Variants in DENND1A observed in about 807,000 individuals in gnomAD.
DENND1A encodes DENN domain containing 1A, also known as DENN domain-containing protein 1A.
In DENND1A, 51 loss-of-function variants were observed where a neutral mutation model predicts 113.7. The ratio of observed to expected loss-of-function variants is 0.45; its 90% CI spans 0.36 to 0.57. The LOEUF (loss-of-function observed/expected upper bound fraction) is 0.57, where lower values mean the gene tolerates loss of function less well. Ranked by LOEUF, DENND1A falls within the 20% of genes least tolerant of loss-of-function variation. The pLI, the probability that DENND1A is intolerant of heterozygous loss-of-function variation, is 0.00. For synonymous variants in DENND1A, 565 were observed against 570.8 expected (o/e 0.99, Z 0.14); for missense variants, 1,258 against 1,395.9 (o/e 0.90, Z 1.57).
At chr9:123,633,174 T>C (rs2061555602) in intron 9 of DENND1A, among the ~76,000 whole-genome samples, 1 of 152,008 alleles carries the variant, frequency 6.6e-6, no homozygotes, top group Non-Finnish European at 1.5e-5. Flanking sequence ...TCCCAAAGTC[T>C]TGGGATTACA....
chr9:123,555,938 G>A lies in DENND1A; in HGVS notation c.993+1632C>T, dbSNP rs146419611. On this transcript the variant is annotated intron_variant, in intron 13 of 23. Transcript: ENST00000394215. ...AGTCTGTCCATTCCCAGCAACCCAA[G>A]CAAAGGATTGGGCCAGTTGTCCTAT... is the stretch of plus-strand genomic sequence containing the variant. Among the ~76,000 whole-genome samples the A allele has an allele frequency of 4.4e-3, 677 of 152,286 alleles. 1 individual carries two copies. Among genetic ancestry groups the A allele is most frequent in the Non-Finnish European group, 6.1e-3 (413 of 68,018 alleles).
chr9:123,684,036 T>C (rs1170656276), intron 5 of DENND1A, among the ~76,000 whole-genome samples: 2 of 152,176 alleles, frequency 1.3e-5, no homozygotes, highest in Non-Finnish European at 2.9e-5. Context: ...AGCAAGTGAT[T>C]ATTCAAAGTA....
intron 13 of DENND1A, among the ~76,000 whole-genome samples, chr9:123,497,827 A>AAG (rs908180292): frequency 7.2e-5 from 11 of 152,086 alleles, no homozygotes; most frequent in Admixed American, 5.9e-4. Flanking sequence ...AAAAAAAAAA[A>AAG]AAAAGAAAAA....
chr9:123,391,938 A>T (rs984793220), intron 21 of DENND1A, among the ~76,000 whole-genome samples: 2 of 152,116 alleles, frequency 1.3e-5, no homozygotes, highest in Non-Finnish European at 2.9e-5. Flanking sequence ...GGTGCAGAAG[A>T]AAGGCTGGCC....
At chr9:123,611,066 T>G (rs1388214822) in intron 10 of DENND1A, among the ~76,000 whole-genome samples, 1 of 152,254 alleles carries the variant, frequency 6.6e-6, no homozygotes, top group African/African-American at 2.4e-5. Context: ...AAAACAGACT[T>G]GAATATTAGC....
intron 12 of DENND1A, among the ~76,000 whole-genome samples, chr9:123,563,045 G>A (rs938793731): frequency 3.9e-5 from 6 of 152,184 alleles, no homozygotes; most frequent in African/African-American, 1.4e-4. Flanking sequence ...ACATTCTTTA[G>A]TGACGGATCA....
chr9:123,903,331 CAAAAAAAAAA>C lies in DENND1A; in HGVS notation c.18-24320_18-24311del, dbSNP rs869154918. Reference sequence around the variant, plus strand: ...TGGGCGACAGAGCGAGACTCCGTCTCAAAAAAAAAAAAAAAAAAAAAAAAAAACTGGAAAA... The same window carrying C: ...TGGGCGACAGAGCGAGACTCCGTCTCAAAAAAAAAAAAAAAAACTGGAAAA... On this transcript the variant is annotated intron_variant, in intron 1 of 23. Transcript: ENST00000394215. Among the ~76,000 whole-genome samples, 206 of 27,016 alleles carry C rather than the reference CAAAAAAAAAA, an allele frequency of 7.6e-3. 3 individuals carry two copies. The highest frequency in any genetic ancestry group is 0.023 in the African/African-American group (195 of 8,610). The allele number at this position is 27,016 out of a possible 152,430, so 17.7% of individuals were successfully genotyped here. A position where few individuals can be genotyped will look rare whatever the true frequency, so the allele number is the denominator to read the frequency against.
chr9:123,842,283 G>C (rs1424669265), intron 2 of DENND1A, among the ~76,000 whole-genome samples: 1 of 152,132 alleles, frequency 6.6e-6, no homozygotes, highest in Non-Finnish European at 1.5e-5. Flanking sequence ...CAAGAGAAAA[G>C]ACATTTCAGA....
At chr9:123,485,011 G>A (rs1313116133) in intron 13 of DENND1A, among the ~76,000 whole-genome samples, 1 of 152,180 alleles carries the variant, frequency 6.6e-6, no homozygotes, top group African/African-American at 2.4e-5. Context: ...GTAGGGAAGT[G>A]GTGAGTGGTA....
At chr9:123,867,865 C>T (rs1376675224) in intron 2 of DENND1A, among the ~76,000 whole-genome samples, 1 of 152,208 alleles carries the variant, frequency 6.6e-6, no homozygotes, top group African/African-American at 2.4e-5. Context: ...CTGTAAGACA[C>T]TCTTTTTCTA....
At chr9:123,669,783 G>T (rs559637335) in intron 7 of DENND1A, among the ~76,000 whole-genome samples, 2 of 152,188 alleles carry the variant, frequency 1.3e-5, no homozygotes, top group East Asian at 3.8e-4. Context: ...CTCCCCTGCC[G>T]TATGAGAATT....
At chr9:123,900,512 C>T (rs1331633524) in intron 1 of DENND1A, among the ~76,000 whole-genome samples, 1 of 152,190 alleles carries the variant, frequency 6.6e-6, no homozygotes, top group East Asian at 1.9e-4. Context: ...TCAGCCAGAG[C>T]TCTAATTGAG....
intron 5 of DENND1A, among the ~76,000 whole-genome samples, chr9:123,737,695 G>T (rs555185643): frequency 6.6e-6 from 1 of 152,074 alleles, no homozygotes; most frequent in Non-Finnish European, 1.5e-5. Flanking sequence ...CTCTTTCCAG[G>T]GGTCTTAGCA....
At chr9:123,409,235 C>T (rs1338732714) in intron 20 of DENND1A, among the ~76,000 whole-genome samples, 1 of 152,032 alleles carries the variant, frequency 6.6e-6, no homozygotes, top group Admixed American at 6.6e-5. Context: ...TAACATGGCA[C>T]TGGAGATTCC....
chr9:123,684,508 C>T (rs1262254804), intron 5 of DENND1A, among the ~76,000 whole-genome samples: 3 of 152,206 alleles, frequency 2.0e-5, no homozygotes. Context: ...AGCCAGCAAG[C>T]ATTCCCACCT....
At chr9:123,705,068 TA>T (rs34013646) in intron 5 of DENND1A, among the ~76,000 whole-genome samples, 36,595 of 147,024 alleles carry the variant, frequency 0.25, 6,212 homozygotes, top group African/African-American at 0.48. Flanking sequence ...AAGATGAATT[TA>T]AAAAAAAAAA....
chr9:123,911,526 T>A (rs189595234), intron 1 of DENND1A, among the ~76,000 whole-genome samples: 1 of 152,144 alleles, frequency 6.6e-6, no homozygotes, highest in African/African-American at 2.4e-5. Context: ...TACGCAGCAA[T>A]GAAAAACAAT....
At chr9:123,455,108 C>T (rs1399545616) in intron 15 of DENND1A, among the ~76,000 whole-genome samples, 1 of 152,212 alleles carries the variant, frequency 6.6e-6, no homozygotes. Flanking sequence ...AGTCGTGAGC[C>T]ACCACGCTTG....
At chr9:123,747,020 G>T (rs7847303) in intron 5 of DENND1A, among the ~76,000 whole-genome samples, 1 of 151,760 alleles carries the variant, frequency 6.6e-6, no homozygotes, top group African/African-American at 2.4e-5. Context: ...GTTTTGGCTT[G>T]GGGTTGTTTT....
Sources: allele counts gnomAD v4.1 joint callset (sites outside exome capture counted in the v4.1 genomes callset), GRCh38; gene constraint gnomAD v4.1.1; transcripts MANE v1.5; gene names NCBI Gene and HGNC (gene_info 2026-07-23, HGNC 2026-07-21).